The following DENND4A variants were observed in gnomAD, a reference collection of about 807,000 sequenced individuals.
DENND4A encodes the protein DENN domain containing 4A, also known as C-myc promoter-binding protein.
Under a neutral mutation model 199.3 loss-of-function variants are expected in DENND4A, and 70 were observed. The ratio of observed to expected loss-of-function variants is 0.35; its 90% CI spans 0.29 to 0.43. DENND4A has a LOEUF of 0.43. DENND4A is among the 20% of genes least tolerant of loss of function. The pLI, the probability that DENND4A is intolerant of heterozygous loss-of-function variation, is 1.00. For synonymous variants in DENND4A, 686 were observed against 766.9 expected (o/e 0.89, Z 1.74); for missense variants, 1,723 against 2,255.8 (o/e 0.76, Z 4.78).
intron 18 of DENND4A, among the ~76,000 whole-genome samples, chr15:65,701,480 T>G (rs1043316888): frequency 5.9e-5 from 9 of 152,022 alleles, no homozygotes; most frequent in African/African-American, 2.2e-4. Context: ...GGTGGGAAGA[T>G]CAATTGAGCC....
intron 22 of DENND4A, among the ~76,000 whole-genome samples, chr15:65,695,973 T>C (rs1013247414): frequency 3.9e-5 from 6 of 152,110 alleles, no homozygotes; most frequent in Non-Finnish European, 5.9e-5. Context: ...ACTTAAACTA[T>C]CTGAAGGACT....
rs371718647 is a variant in DENND4A at position 65,765,763 on chromosome 15, C to T, written c.-101-4325G>A. Among the ~76,000 whole-genome samples the T allele has an allele frequency of 3.9e-5, 6 of 152,284 alleles. No individual in the cohort carries two copies. The East Asian group carries it at 9.7e-4, about 25-fold the overall frequency. On this transcript the variant is annotated intron_variant, in intron 1 of 32. Transcript: ENST00000443035. ...GTCACATGTGCATAAAACCATGTAT[C>T]CATTACCAAAGACAAGATGCAGCGC...
intron 14 of DENND4A, among the ~76,000 whole-genome samples, chr15:65,711,862 C>T (rs941251538): frequency 1.3e-5 from 2 of 152,160 alleles, no homozygotes; most frequent in African/African-American, 2.4e-5. Context: ...GGTCTCACTA[C>T]GTTGCCCAGG....
At chr15:65,780,901 A>G (rs1463054583) in intron 1 of DENND4A, among the ~76,000 whole-genome samples, 1 of 152,208 alleles carries the variant, frequency 6.6e-6, no homozygotes, top group African/African-American at 2.4e-5. Context: ...CTCCAATACT[A>G]TAGTTCATTC....
intron 1 of DENND4A, among the ~76,000 whole-genome samples, chr15:65,779,236 G>T (rs576021117): frequency 1.3e-5 from 2 of 151,974 alleles, no homozygotes; most frequent in Non-Finnish European, 2.9e-5. Flanking sequence ...CGCGTGGATC[G>T]TCTGGGATCA....
chr15:65,672,152 T>C (rs962687180), intron 24 of DENND4A, among the ~76,000 whole-genome samples: 1 of 152,216 alleles, frequency 6.6e-6, no homozygotes, highest in Non-Finnish European at 1.5e-5. Context: ...TAAAGCACTT[T>C]ATGTGAACAG....
rs1360016871 is a variant in DENND4A, at chr15:65,792,218, C to A, written c.-310G>T. ...AGTCAGACGGGACTCCCCCTCCCCT[C>A]GCGGCCGCCACTGCCTCCGCCTCTT... On this transcript the variant is annotated 5_prime_UTR_variant, in exon 1 of 33. The change creates a premature stop within an existing upstream ORF in the 5' untranslated region. Transcript: ENST00000443035. 1 of 152,502 alleles carries A rather than the reference C, an allele frequency of 6.6e-6. No individual in the cohort carries two copies. Among genetic ancestry groups the A allele is most frequent in the East Asian group, 1.9e-4 (1 of 5,174 alleles). 9.4% of individuals were successfully genotyped at this position (152,502 alleles called of 1,614,324 possible).
intron 15 of DENND4A, among the ~76,000 whole-genome samples, chr15:65,704,262 T>C (rs2074971514): frequency 6.6e-6 from 1 of 152,236 alleles, no homozygotes; most frequent in Admixed American, 6.5e-5. Context: ...ATTAAGGACA[T>C]TTACGGTGTT....
At chr15:65,734,070 T>G (rs939855508) in intron 7 of DENND4A, among the ~76,000 whole-genome samples, 3 of 152,140 alleles carry the variant, frequency 2.0e-5, no homozygotes, top group African/African-American at 7.2e-5. Flanking sequence ...GCCCGACACC[T>G]GTAAAGGGTC....
chr15:65,665,565 G>T, intron 29 of DENND4A, 103 bp from the exon 30 acceptor site: 1 of 803,542 alleles, frequency 1.2e-6, no homozygotes, highest in Non-Finnish European at 1.8e-6. Flanking sequence ...ATATGTGCGA[G>T]ACAGAAAAGA....
intron 23 of DENND4A, among the ~76,000 whole-genome samples, chr15:65,689,937 C>T (rs959426059): frequency 1.3e-5 from 2 of 152,180 alleles, no homozygotes; most frequent in Admixed American, 6.5e-5. Flanking sequence ...TCTCTGCTTT[C>T]TAGTTACTTC....
intron 4 of DENND4A, among the ~76,000 whole-genome samples, chr15:65,749,167 T>C (rs1369773899): frequency 2.0e-5 from 3 of 151,188 alleles, no homozygotes; most frequent in Non-Finnish European, 4.4e-5. Flanking sequence ...ATCTTAATAG[T>C]AAATATGCGC....
chr15:65,663,059 ATTCATGATTTTG>A (rs2075905123), intron 32 of DENND4A, among the ~76,000 whole-genome samples: 1 of 151,960 alleles, frequency 6.6e-6, no homozygotes, highest in African/African-American at 2.4e-5. Flanking sequence ...AAATAACACT[ATTCATGATTTTG>A]GTTAAGTTCT....
intron 1 of DENND4A, among the ~76,000 whole-genome samples, chr15:65,787,730 C>T (rs1433681885): frequency 6.6e-6 from 1 of 152,188 alleles, no homozygotes; most frequent in African/African-American, 2.4e-5. Context: ...TGCCAGGCTA[C>T]TGGCAGAGAA....
Position 65,745,206 on chromosome 15 carries a change from T to C in DENND4A, c.562-3422A>G, listed in dbSNP as rs539693539. ...TTTGCTTTTCAACTTTAAGTATCTG[T>C]CAGCCTTCCAAATACTGAATAGCTA... On this transcript the variant is annotated intron_variant, in intron 4 of 32. Transcript: ENST00000443035. 5.3e-5 allele frequency among the ~76,000 whole-genome samples: 8 copies of C among 152,348 alleles called. No homozygotes were observed. The South Asian group carries it at 1.0e-3, about 20-fold the overall frequency.
intron 30 of DENND4A, 151 bp from the exon 31 acceptor site, chr15:65,664,873 GC>G (rs909500753): frequency 1.5e-6 from 1 of 659,722 alleles, no homozygotes; most frequent in African/African-American, 1.9e-5. Context: ...AATGAAGAAA[GC>G]AAAAAATAAG....
chr15:65,752,480 T>A lies in DENND4A; in HGVS notation c.460A>T (p.Asn154Tyr). The change falls in exon 4 of 33, where the codon AAT becomes TAT. Residue 154 changes from asparagine to tyrosine, a missense_variant. By Grantham distance (143) the Asn-to-Tyr change is moderately radical (BLOSUM62 -2). Around this residue, in one of 6 missense-constraint regions of DENND4A, gnomAD observed 725 missense variants for 952.9 expected, o/e 0.76. Coordinates refer to ENST00000443035, the MANE Select transcript of DENND4A (RefSeq NM_001320835.1). The part of the protein sequence containing the change: ...YRRASENMTQ[N>Y]TLAVTDICII... ...CATATGTCAGTGACAGCCAACGTAT[T>A]CTGAGTCATGTTTTCAGAGGCTCTT... 6.2e-7 allele frequency: 1 copy of A among 1,613,700 alleles called. No homozygotes were observed. The highest frequency in any genetic ancestry group is 8.5e-7 in the Non-Finnish European group (1 of 1,179,790).
intron 7 of DENND4A, among the ~76,000 whole-genome samples, chr15:65,733,932 G>A (rs1032290240): frequency 1.3e-5 from 2 of 152,242 alleles, no homozygotes; most frequent in Non-Finnish European, 2.9e-5. Flanking sequence ...CAAGTACCCA[G>A]GGACACAAAT....
chr15:65,728,948 C>G (rs1567052718), intron 11 of DENND4A, 124 bp downstream of exon 11: 3 of 953,068 alleles, frequency 3.1e-6, no homozygotes, highest in Non-Finnish European at 4.9e-6. Context: ...CGGTGATTAC[C>G]CCACATAACA....
Sources: gnomAD v4.1 joint callset for allele counts (sites outside exome capture counted in the v4.1 genomes callset) on GRCh38, gnomAD v4.1.1 for gene constraint, gnomAD v4.1.1 regional missense constraint, MANE v1.5 for transcripts, NCBI Gene and HGNC (gene_info 2026-07-23, HGNC 2026-07-21) for gene names.